The following ABLIM1 variants were observed in gnomAD, a reference collection of about 807,000 sequenced individuals.
ABLIM1 encodes the protein actin-binding LIM protein 1.
Under a neutral mutation model 107.0 loss-of-function variants are expected in ABLIM1, and 40 were observed. The ratio of observed to expected loss-of-function variants is 0.37; its 90% CI spans 0.29 to 0.49. The LOEUF is 0.49. ABLIM1 is among the 20% of genes least tolerant of loss of function. The pLI is 0.97. For missense variants in ABLIM1, 857 were observed against 1,008.5 expected (o/e 0.85, Z 2.04); for synonymous variants, 357 against 357.3 (o/e 1.00, Z 0.01).
At chr10:114,613,510 A>G in intron 1 of ABLIM1, 1 of 411,332 alleles carries the variant, frequency 2.4e-6, no homozygotes, top group Admixed American at 3.1e-5. Flanking sequence ...CCGGCACACC[A>G]TTGTGCCAAA....
At chr10:114,458,716 T>G (rs1354062216) in intron 12 of ABLIM1, among the ~76,000 whole-genome samples, 1 of 152,234 alleles carries the variant, frequency 6.6e-6, no homozygotes, top group African/African-American at 2.4e-5. Flanking sequence ...GAAAGATTCC[T>G]TTCAAAGAAA....
At chr10:114,663,733 G>A (rs1467593908) in intron 1 of ABLIM1, among the ~76,000 whole-genome samples, 1 of 152,256 alleles carries the variant, frequency 6.6e-6, no homozygotes, top group East Asian at 1.9e-4. Flanking sequence ...GTGGACATAG[G>A]AAGCTGTCCC....
chr10:114,641,222 G>A (rs997469691), intron 1 of ABLIM1, among the ~76,000 whole-genome samples: 5 of 110,656 alleles, frequency 4.5e-5, no homozygotes, highest in Non-Finnish European at 8.6e-5. Flanking sequence ...GCTGCCAAAT[G>A]AGAAAGTCAC....
chr10:114,663,530 ACT>A (rs1397365055), intron 1 of ABLIM1, among the ~76,000 whole-genome samples: 1 of 152,036 alleles, frequency 6.6e-6, no homozygotes, highest in East Asian at 1.9e-4. Context: ...GACAAAACAC[ACT>A]CTGGCCATTA....
intron 1 of ABLIM1, among the ~76,000 whole-genome samples, chr10:114,641,635 C>T (rs115419845): frequency 0.024 from 3,593 of 152,212 alleles, 155 homozygotes; most frequent in African/African-American, 0.074. Flanking sequence ...TCTTTGAGGA[C>T]GTGCTATGTG....
intron 8 of ABLIM1, among the ~76,000 whole-genome samples, chr10:114,475,676 C>T (rs959623752): frequency 1.3e-5 from 2 of 152,098 alleles, no homozygotes; most frequent in African/African-American, 2.4e-5. Context: ...GCTGGTGGGT[C>T]GGCCTTTGGG....
At position 114,755,999 on chromosome 10, in the gene ABLIM1, T is replaced by C. The variant is rs191308960; in HGVS notation, c.-213+12062A>G. On this transcript the variant is annotated intron_variant, in intron 1 of 15. Transcript: ENST00000651092. ...AGGATTTCTATTTTTTCACTTATTATACTTAATTATTTAATCCATAGGATT... is the reference window on the plus strand; with the variant it reads ...AGGATTTCTATTTTTTCACTTATTACACTTAATTATTTAATCCATAGGATT... Among the ~76,000 whole-genome samples, 43 of 152,320 alleles carry C rather than the reference T, an allele frequency of 2.8e-4. No individual in the cohort carries two copies. In the South Asian group the frequency reaches 4.6e-3, roughly 16 times the overall value.
At chr10:114,797,877 A>G in the ABLIM1 span, among the ~76,000 whole-genome samples, 1 of 152,198 alleles carries the variant, frequency 6.6e-6, no homozygotes, top group Admixed American at 6.5e-5. Context: ...GGTATTATGA[A>G]GTTATCTTAT....
chr10:114,732,720 TA>T (rs2082101695), intron 1 of ABLIM1, among the ~76,000 whole-genome samples: 1 of 152,188 alleles, frequency 6.6e-6, no homozygotes, highest in Admixed American at 6.5e-5. Context: ...TACATCATTA[TA>T]AACTGCCTTA....
chr10:114,614,818 C>A (rs2077024385), intron 1 of ABLIM1, among the ~76,000 whole-genome samples: 1 of 152,004 alleles, frequency 6.6e-6, no homozygotes, highest in African/African-American at 2.4e-5. Flanking sequence ...CTTTGGGAGG[C>A]CAAGGCGGGT....
intron 6 of ABLIM1, among the ~76,000 whole-genome samples, chr10:114,534,388 C>CT (rs1318362904): frequency 1.3e-5 from 2 of 151,768 alleles, no homozygotes; most frequent in Non-Finnish European, 2.9e-5. Context: ...GGTAACTTGT[C>CT]TAGGCAGGCT....
In ABLIM1 at chr10:114,629,181, T is replaced by C. The variant is rs1190195575; in HGVS notation, c.245-27220A>G. On this transcript the variant is annotated intron_variant, in intron 1 of 22. Coordinates refer to ENST00000533213, the MANE Select transcript of ABLIM1 (RefSeq NM_002313.7). The surrounding 1 kb of genome is among the most constrained non-coding windows in gnomAD (Gnocchi z 4.0). ...CAACCAGCCAGCGTGCTTTCTCTCC[T>C]GCCCATGTCAGCCCCGAACCAGGTA... Among the ~76,000 whole-genome samples the C allele has an allele frequency of 2.0e-5, 3 of 152,204 alleles. No individual in the cohort carries two copies. Among genetic ancestry groups the C allele is most frequent in the Non-Finnish European group, 2.9e-5 (2 of 68,026 alleles).
chr10:114,663,711 C>G (rs982290439), intron 1 of ABLIM1, among the ~76,000 whole-genome samples: 2 of 152,222 alleles, frequency 1.3e-5, no homozygotes, highest in Admixed American at 6.5e-5. Flanking sequence ...GCCCGAGAGG[C>G]CCTGGCCAGC....
chr10:114,508,584 C>A (rs2061453123), intron 6 of ABLIM1, among the ~76,000 whole-genome samples: 1 of 152,066 alleles, frequency 6.6e-6, no homozygotes, highest in East Asian at 1.9e-4. Context: ...CACTTGCAGT[C>A]CTGGCTACTC....
At chr10:114,680,687 GCTTTCTAACAT>G (rs947160338) in intron 1 of ABLIM1, among the ~76,000 whole-genome samples, 2 of 152,124 alleles carry the variant, frequency 1.3e-5, no homozygotes, top group African/African-American at 4.8e-5. Context: ...TCCCTAGCCA[GCTTTCTAACAT>G]CTTTAGATGA....
chr10:114,493,521 AT>A (rs2059281531), intron 6 of ABLIM1, among the ~76,000 whole-genome samples: 2 of 152,302 alleles, frequency 1.3e-5, no homozygotes, highest in South Asian at 2.1e-4. Context: ...ATTCTACATC[AT>A]TTTCCTCCTG....
intron 1 of ABLIM1, among the ~76,000 whole-genome samples, chr10:114,648,205 C>T (rs59244961): frequency 0.021 from 3,249 of 152,236 alleles, 101 homozygotes; most frequent in African/African-American, 0.074. Context: ...ACTGAAAACA[C>T]GTTCACACAA....
intron 1 of ABLIM1, among the ~76,000 whole-genome samples, chr10:114,755,531 G>A (rs745781941): frequency 3.9e-5 from 6 of 152,144 alleles, no homozygotes; most frequent in South Asian, 4.1e-4. Flanking sequence ...AAGCTCTCCC[G>A]TTTGTGGAAT....
At chr10:114,601,679 T>C in intron 2 of ABLIM1, 148 bp downstream of exon 2, 4 of 1,329,376 alleles carry the variant, frequency 3.0e-6, no homozygotes, top group Non-Finnish European at 4.3e-6. Flanking sequence ...TCTAACTGAA[T>C]CCCAAACTGG....
Sources: gnomAD v4.1 joint callset for allele counts (sites outside exome capture counted in the v4.1 genomes callset) on GRCh38, gnomAD v4.1.1 for gene constraint, Gnocchi (gnomAD v3.1) non-coding constraint, MANE v1.5 for transcripts, NCBI Gene and HGNC (gene_info 2026-07-23, HGNC 2026-07-21) for gene names.